The following CSMD1 variants were observed in gnomAD, a reference collection of about 807,000 sequenced individuals.
CSMD1 encodes CUB and sushi domain-containing protein 1.
A neutral mutation model predicts 417.5 loss-of-function variants in CSMD1; 213 were observed. The ratio of observed to expected loss-of-function variants is 0.51; its 90% CI spans 0.46 to 0.57. The LOEUF is 0.57. Ranked by LOEUF, CSMD1 falls within the 20% of genes least tolerant of loss-of-function variation. CSMD1 has a pLI of 0.00. For synonymous variants in CSMD1, 2,862 were observed against 1,736.8 expected (o/e 1.65, Z -16.11); for missense variants, 6,923 against 4,529.7 (o/e 1.53, Z -15.17).
intron 3 of CSMD1, among the ~76,000 whole-genome samples, chr8:4,222,317 G>C (rs1410903893): frequency 1.3e-5 from 2 of 151,982 alleles, no homozygotes; most frequent in Non-Finnish European, 1.5e-5. Context: ...TGGAAAACTT[G>C]GGGGATACAG....
intron 3 of CSMD1, among the ~76,000 whole-genome samples, chr8:4,138,954 C>G (rs777438218): frequency 2.0e-5 from 3 of 152,244 alleles, no homozygotes; most frequent in East Asian, 3.9e-4. Context: ...CAAACATTGT[C>G]GAACACTCGC....
At chr8:4,057,958 C>T (rs1328899282) in intron 3 of CSMD1, among the ~76,000 whole-genome samples, 1 of 150,460 alleles carries the variant, frequency 6.6e-6, no homozygotes, top group African/African-American at 2.4e-5. Flanking sequence ...AGTTTGAAGT[C>T]AGGTAGGGTG....
chr8:4,772,936 C>A (rs1796670775), intron 1 of CSMD1, among the ~76,000 whole-genome samples: 1 of 152,132 alleles, frequency 6.6e-6, no homozygotes, highest in African/African-American at 2.4e-5. Context: ...TTCATCCCTG[C>A]AACATTGCTG....
At chr8:4,401,938 G>T (rs568408740) in intron 3 of CSMD1, among the ~76,000 whole-genome samples, 2 of 151,890 alleles carry the variant, frequency 1.3e-5, no homozygotes, top group Non-Finnish European at 2.9e-5. Flanking sequence ...ATCCCACCCT[G>T]CTCTCCCGTG....
chr8:4,784,322 G>T (rs182175741), intron 1 of CSMD1, among the ~76,000 whole-genome samples: 1 of 152,308 alleles, frequency 6.6e-6, no homozygotes, highest in South Asian at 2.1e-4. Flanking sequence ...ATAGAAAAGC[G>T]TGTAGCATTC....
At chr8:3,958,713 T>C (rs2129958133) in intron 5 of CSMD1, among the ~76,000 whole-genome samples, 1 of 152,286 alleles carries the variant, frequency 6.6e-6, no homozygotes, top group East Asian at 1.9e-4. Flanking sequence ...GGGTCAAACA[T>C]GAGGCTTTTG....
chr8:3,854,743 G>T (rs1184912739), intron 5 of CSMD1, among the ~76,000 whole-genome samples: 1 of 127,398 alleles, frequency 7.8e-6, no homozygotes, highest in Non-Finnish European at 1.6e-5. Context: ...ACTCCAGAGG[G>T]GGTAAAAAAG....
chr8:4,738,903 T>TTGTGTGTGTGTCTGTG (rs1810418899), intron 1 of CSMD1, among the ~76,000 whole-genome samples: 1 of 147,396 alleles, frequency 6.8e-6, no homozygotes, highest in Non-Finnish European at 1.5e-5. Context: ...TTCTGTGTGT[T>TTGTGTGTGTGTCTGTG]TGTGTGTGTG....
intron 25 of CSMD1, among the ~76,000 whole-genome samples, chr8:3,303,670 A>G (rs1804588352): frequency 6.6e-6 from 1 of 152,222 alleles, no homozygotes; most frequent in Non-Finnish European, 1.5e-5. Context: ...GTTATGTAAA[A>G]CATAGCCTTT....
At chr8:4,787,697 T>A (rs1027809800) in intron 1 of CSMD1, 6 of 1,592,498 alleles carry the variant, frequency 3.8e-6, no homozygotes, top group Non-Finnish European at 5.2e-6. Context: ...GTGGAGTTGT[T>A]TTTCAAGGAT....
intron 61 of CSMD1, 87 bp downstream of exon 61, chr8:2,962,379 G>A (rs1322013252): frequency 1.7e-6 from 2 of 1,196,696 alleles, no homozygotes; most frequent in African/African-American, 1.5e-5. Flanking sequence ...CACTTTCTAT[G>A]TAATCACAAA....
intron 2 of CSMD1, among the ~76,000 whole-genome samples, chr8:4,605,288 G>T (rs549718390): frequency 6.6e-6 from 1 of 152,124 alleles, no homozygotes; most frequent in South Asian, 2.1e-4. Context: ...AGAAGAAGAA[G>T]AAGAAGAAGA....
At chr8:3,659,447 T>C (rs1251159841) in intron 7 of CSMD1, among the ~76,000 whole-genome samples, 1 of 152,216 alleles carries the variant, frequency 6.6e-6, no homozygotes, top group Non-Finnish European at 1.5e-5. Context: ...AGACACTACT[T>C]AGTTTTCAAA....
chr8:4,794,176 G>C (rs1250091033), intron 1 of CSMD1, among the ~76,000 whole-genome samples: 1 of 151,980 alleles, frequency 6.6e-6, no homozygotes, highest in South Asian at 2.1e-4. Flanking sequence ...CTCTTCAATT[G>C]TTAAATATAT....
At chr8:3,020,143 T>C (rs1224040264) in intron 51 of CSMD1, among the ~76,000 whole-genome samples, 1 of 152,190 alleles carries the variant, frequency 6.6e-6, no homozygotes, top group Non-Finnish European at 1.5e-5. Context: ...ATTTTCTAAG[T>C]CTCTGGGCCC....
chr8:3,726,117 C>T (rs368139038), intron 6 of CSMD1, among the ~76,000 whole-genome samples: 4 of 152,170 alleles, frequency 2.6e-5, no homozygotes, highest in African/African-American at 9.6e-5. Flanking sequence ...TAGTAAGGGA[C>T]CTGAGGTCCC....
At chr8:4,923,447 T>A (rs1242548848) in intron 1 of CSMD1, among the ~76,000 whole-genome samples, 2 of 152,190 alleles carry the variant, frequency 1.3e-5, no homozygotes, top group Admixed American at 6.5e-5. Flanking sequence ...CTCCATGGTG[T>A]GCTTATTTCA....
intron 5 of CSMD1, among the ~76,000 whole-genome samples, chr8:3,863,882 G>C (rs534512430): frequency 1.3e-5 from 2 of 151,836 alleles, no homozygotes; most frequent in African/African-American, 4.8e-5. Flanking sequence ...TCAAAGATTC[G>C]TATGATGACT....
chr8:4,122,793 C>CAA (rs541714300), intron 3 of CSMD1, among the ~76,000 whole-genome samples: 5 of 152,058 alleles, frequency 3.3e-5, no homozygotes, highest in African/African-American at 9.7e-5. Context: ...TGTCTTCCAT[C>CAA]AAAAAAACAA....
Sources: allele counts gnomAD v4.1 joint callset (sites outside exome capture counted in the v4.1 genomes callset), GRCh38; gene constraint gnomAD v4.1.1; transcripts MANE v1.5; gene names NCBI Gene and HGNC (gene_info 2026-07-23, HGNC 2026-07-21).